CFAP299: variants seen among roughly 807,000 people sequenced by gnomAD.
The protein encoded by CFAP299 is cilia and flagella associated protein 299, also known as cilia- and flagella-associated protein 299.
In CFAP299, 21 loss-of-function variants were observed where a neutral mutation model predicts 27.0. That is an observed-to-expected ratio of 0.78 (90% CI 0.55 to 1.12). CFAP299 has a LOEUF of 1.12. CFAP299 is among the 50% of genes most tolerant of loss of function. The pLI, the probability that CFAP299 is intolerant of heterozygous loss-of-function variation, is 0.00. For missense variants in CFAP299, 310 were observed against 276.6 expected, an observed-to-expected ratio of 1.12 and a Z score of -0.86; for synonymous variants, 104 against 98.1, an observed-to-expected ratio of 1.06 and a Z score of -0.36.
intron 4 of CFAP299, among the ~76,000 whole-genome samples, chr4:80,926,564 T>C (rs2110214952): frequency 6.6e-6 from 1 of 151,938 alleles, no homozygotes; most frequent in Middle Eastern, 3.4e-3. Flanking sequence ...ACAAGATGCA[T>C]GGAGAAGGAG....
rs576399019 is a variant in CFAP299 at position 80,921,398 on chromosome 4, G to T, written c.477-23412G>T. Among the ~76,000 whole-genome samples the T allele has an allele frequency of 2.6e-5, 4 of 152,150 alleles. No individual in the cohort carries two copies. The South Asian group carries it at 8.3e-4, about 32-fold the overall frequency. ...GGGAGAGAGGCAAGAGTTCCTAGAG[G>T]AAGTGCTGAGAGAGCTAATTTTTAA... On this transcript the variant is annotated intron_variant, in intron 4 of 5. Coordinates refer to ENST00000358105, the MANE Select transcript of CFAP299 (RefSeq NM_152770.3).
chr4:80,531,764 TTTTTTTGA>T (rs916733975), intron 2 of CFAP299, among the ~76,000 whole-genome samples: 6 of 143,822 alleles, frequency 4.2e-5, no homozygotes, highest in African/African-American at 1.6e-4. Context: ...TTTTTTTTTT[TTTTTTTGA>T]GATGGAGTTT....
At position 80,580,430 on chromosome 4, in the gene CFAP299, T is replaced by A. The variant is rs149853543; in HGVS notation, c.243-2663T>A. ...AATATTAGGAGGCAAAAGCAATAGA[T>A]GTCTACAACTGTCACAGAAGACTAA... On this transcript the variant is annotated intron_variant, in intron 2 of 5. Transcript: ENST00000358105. 5.1e-3 allele frequency among the ~76,000 whole-genome samples: 772 copies of A among 152,180 alleles called. 5 individuals carry two copies. The highest frequency in any genetic ancestry group is 0.02 in the Middle Eastern group (6 of 294).
intron 3 of CFAP299, among the ~76,000 whole-genome samples, chr4:80,603,092 C>G (rs1737448396): frequency 6.6e-6 from 1 of 152,078 alleles, no homozygotes; most frequent in Admixed American, 6.6e-5. Context: ...CACCAAACCC[C>G]AAATGTCAAA....
At chr4:80,706,595 A>G (rs1054953772) in intron 3 of CFAP299, among the ~76,000 whole-genome samples, 12 of 151,976 alleles carry the variant, frequency 7.9e-5, no homozygotes, top group African/African-American at 2.9e-4. Flanking sequence ...TTGTAGATAC[A>G]TTAAACTGCT....
chr4:80,885,042 C>T (rs558788786), intron 4 of CFAP299, among the ~76,000 whole-genome samples: 1 of 152,272 alleles, frequency 6.6e-6, no homozygotes, highest in Non-Finnish European at 1.5e-5. Context: ...AATCTGTGAG[C>T]TTTGGGGAGG....
chr4:80,880,384 A>G (rs1196358238), intron 4 of CFAP299, among the ~76,000 whole-genome samples: 1 of 152,250 alleles, frequency 6.6e-6, no homozygotes, highest in East Asian at 1.9e-4. Flanking sequence ...AAATGTCAAT[A>G]TAACAACAGT....
chr4:80,813,054 AT>A (rs1351867200), intron 3 of CFAP299, among the ~76,000 whole-genome samples: 3 of 152,084 alleles, frequency 2.0e-5, no homozygotes, highest in Non-Finnish European at 4.4e-5. Flanking sequence ...ACTTGAAAAT[AT>A]TTTAGCTGAA....
At chr4:80,716,017 G>GA (rs955682609) in intron 3 of CFAP299, among the ~76,000 whole-genome samples, 4 of 151,822 alleles carry the variant, frequency 2.6e-5, no homozygotes, top group African/African-American at 7.3e-5. Flanking sequence ...GTCTAAATCT[G>GA]AAAAAAATCC....
intron 2 of CFAP299, among the ~76,000 whole-genome samples, chr4:80,378,890 T>G (rs908855847): frequency 4.6e-5 from 7 of 152,106 alleles, no homozygotes; most frequent in African/African-American, 1.4e-4. Context: ...TTCATTCATT[T>G]TATGTATTTG....
chr4:80,902,313 A>C (rs1478328943), intron 4 of CFAP299, among the ~76,000 whole-genome samples: 2 of 148,336 alleles, frequency 1.3e-5, no homozygotes, highest in Non-Finnish European at 3.0e-5. Flanking sequence ...TATTTTATCC[A>C]TATATATATG....
chr4:80,873,151 T>C, intron 4 of CFAP299: 5 of 350,634 alleles, frequency 1.4e-5, no homozygotes, highest in Non-Finnish European at 2.0e-5. Flanking sequence ...AGGCAGTTGT[T>C]ATTAGGGGAA....
In CFAP299 at chr4:80,855,811, G is replaced by A. The variant is rs1280858374; in HGVS notation, c.334-14182G>A. Among the ~76,000 whole-genome samples, 12 of 151,910 alleles carry A rather than the reference G, an allele frequency of 7.9e-5. No homozygotes were observed. The East Asian group carries it at 2.3e-3, about 29-fold the overall frequency. ...TTTCTTAATCCAGTCTATCATTGTT[G>A]GACATTTGGGTTGGTTCCAAGTCTT... On this transcript the variant is annotated intron_variant, in intron 3 of 5. Transcript: ENST00000358105.
Position 80,447,392 on chromosome 4 carries a change from C to T in CFAP299, c.242+84508C>T, listed in dbSNP as rs370668990. 3.3e-5 allele frequency among the ~76,000 whole-genome samples: 5 copies of T among 151,154 alleles called. No individual in the cohort carries two copies. In the South Asian group the frequency reaches 1.0e-3, roughly 32 times the overall value. Reference sequence around the variant, plus strand: ...CCTCGTGATCCGCCCGCCTCGGCCTCCCAAAGTGCTGGGATTACAGGCGTG... The same window carrying T: ...CCTCGTGATCCGCCCGCCTCGGCCTTCCAAAGTGCTGGGATTACAGGCGTG... On this transcript the variant is annotated intron_variant, in intron 2 of 5. Transcript: ENST00000358105.
At chr4:80,927,684 C>T (rs1736374942) in intron 4 of CFAP299, among the ~76,000 whole-genome samples, 1 of 152,090 alleles carries the variant, frequency 6.6e-6, no homozygotes, top group Admixed American at 6.6e-5. Flanking sequence ...GACTGAGTCC[C>T]ATGGCCCCTG....
At chr4:80,715,675 A>G (rs1722438615) in intron 3 of CFAP299, among the ~76,000 whole-genome samples, 1 of 152,132 alleles carries the variant, frequency 6.6e-6, no homozygotes. Flanking sequence ...CTGGTTTAAA[A>G]TATATAAAAT....
At chr4:80,814,241 C>A (rs976748356) in intron 3 of CFAP299, among the ~76,000 whole-genome samples, 2 of 151,990 alleles carry the variant, frequency 1.3e-5, no homozygotes, top group African/African-American at 2.4e-5. Context: ...TAATTATGTT[C>A]TTTCCTTCAA....
At chr4:80,333,088 T>C (rs374479044), upstream of CFAP299, among the ~76,000 whole-genome samples, 118 of 152,296 alleles carry the variant, frequency 7.7e-4, 5 homozygotes, top group South Asian at 0.022. Context: ...TATTTCTCTC[T>C]TCTGAAATTT....
At chr4:80,690,588 G>A (rs991411078) in intron 3 of CFAP299, among the ~76,000 whole-genome samples, 93 of 152,106 alleles carry the variant, frequency 6.1e-4, no homozygotes, top group Middle Eastern at 3.4e-3. Context: ...ACAAGAGAAA[G>A]CAGGAAAGAT....
Sources: gnomAD v4.1 joint callset for allele counts (sites outside exome capture counted in the v4.1 genomes callset) on GRCh38, gnomAD v4.1.1 for gene constraint, MANE v1.5 for transcripts, NCBI Gene and HGNC (gene_info 2026-07-23, HGNC 2026-07-21) for gene names.